The following ANKRD28 variants were observed in gnomAD, a reference collection of about 807,000 sequenced individuals.
The protein encoded by ANKRD28 is serine/threonine-protein phosphatase 6 regulatory ankyrin repeat subunit A.
In ANKRD28, 44 loss-of-function variants were observed where a neutral mutation model predicts 126.5. That is an observed-to-expected ratio of 0.35 (90% CI 0.27 to 0.45). ANKRD28 has a LOEUF of 0.45. Among genes scored for constraint, ANKRD28 ranks in the 20% least tolerant of loss-of-function variants. The probability of loss-of-function intolerance (pLI) is 1.00; values close to 1 mark genes in which losing one functional copy is unlikely to be tolerated. For missense variants in ANKRD28, 1,110 were observed against 1,316.6 expected (o/e 0.84, Z 2.43); for synonymous variants, 442 against 468.5 (o/e 0.94, Z 0.73).
In ANKRD28 at chr3:15,797,292, A is replaced by C; in HGVS notation, c.-771T>G. On this transcript the variant is annotated 5_prime_UTR_variant, in exon 1 of 28. Coordinates refer to ENST00000683139, the MANE Select transcript of ANKRD28 (RefSeq NM_001349278.2). ...GAGTCAGACCACAAGAGACAATACG[A>C]CTCTTGGTACTAGAATACAGCTTGA... 1 of 985,192 alleles carries C rather than the reference A, an allele frequency of 1.0e-6. No homozygotes were observed. The highest frequency in any genetic ancestry group is 1.2e-6 in the Non-Finnish European group (1 of 829,882). 61.0% of individuals were successfully genotyped at this position (985,192 alleles called of 1,614,324 possible).
At chr3:15,706,663 A>T (rs1275213185) in intron 14 of ANKRD28, among the ~76,000 whole-genome samples, 1 of 152,186 alleles carries the variant, frequency 6.6e-6, no homozygotes, top group East Asian at 1.9e-4. Context: ...ATGAATCGCC[A>T]CACTGTCTTC....
chr3:15,801,500 T>G (rs1372816598), upstream of ANKRD28, among the ~76,000 whole-genome samples: 4 of 152,112 alleles, frequency 2.6e-5, no homozygotes, highest in Non-Finnish European at 4.4e-5. The surrounding 1 kb of genome is among the most constrained non-coding windows in gnomAD (Gnocchi z 4.9). Flanking sequence ...AATAAAAAGC[T>G]TGTGGTGAAA....
chr3:15,777,058 A>G (rs2059305462), intron 2 of ANKRD28, among the ~76,000 whole-genome samples: 1 of 151,994 alleles, frequency 6.6e-6, no homozygotes. Flanking sequence ...GGTGGATCAC[A>G]AGGTCAGGAG....
intron 2 of ANKRD28, among the ~76,000 whole-genome samples, chr3:15,783,233 C>A (rs1362966933): frequency 6.6e-6 from 1 of 151,654 alleles, no homozygotes; most frequent in African/African-American, 2.4e-5. Context: ...TAAAAAAACT[C>A]ACAAGAACAT....
intron 4 of ANKRD28, among the ~76,000 whole-genome samples, chr3:15,742,482 G>A (rs1208003838): frequency 1.6e-3 from 233 of 141,490 alleles, no homozygotes; most frequent in Non-Finnish European, 2.6e-3. Flanking sequence ...TCTGAGAAGT[G>A]AGGAGACCCT....
chr3:15,685,272 T>C lies in ANKRD28; in HGVS notation c.2343A>G (p.Thr781=). 1 of 1,614,052 alleles carries C rather than the reference T, an allele frequency of 6.2e-7. No homozygotes were observed. The highest frequency in any genetic ancestry group is 1.1e-5 in the South Asian group (1 of 91,090). ...SAASMDANPA[T]ADNHGYTALH... ...GTGCCGTATATCCATGATTGTCTGCTGTGGCTGGATTTGCATCCATAGATG... is the reference window on the plus strand; with the variant it reads ...GTGCCGTATATCCATGATTGTCTGCCGTGGCTGGATTTGCATCCATAGATG... Residue 781 remains threonine (T), a synonymous_variant, in exon 21 of 28, where the codon ACA becomes ACG. Coordinates refer to ENST00000683139, the MANE Select transcript of ANKRD28 (RefSeq NM_001349278.2).
At chr3:15,837,371 C>A (rs1333537657) in intron 1 of ANKRD28, among the ~76,000 whole-genome samples, 1 of 152,100 alleles carries the variant, frequency 6.6e-6, no homozygotes, top group Non-Finnish European at 1.5e-5. Flanking sequence ...ATAAAACAAT[C>A]TCCAAAATAG....
Position 15,690,235 on chromosome 3 carries a change from A to C in ANKRD28, c.1762-15T>G. ...CCATGATAGGCCTAGAAATAAATAA[A>C]AATGTAAATTTAAAACATACATATT... On this transcript the variant is annotated splice_polypyrimidine_tract_variant and intron_variant, in intron 17 of 27. Transcript: ENST00000683139. 1 of 1,544,394 alleles carries C rather than the reference A, an allele frequency of 6.5e-7. No individual in the cohort carries two copies. The highest frequency in any genetic ancestry group is 8.7e-7 in the Non-Finnish European group (1 of 1,144,490).
intron 14 of ANKRD28, among the ~76,000 whole-genome samples, chr3:15,706,071 T>TTG (rs1019438535): frequency 6.6e-6 from 1 of 151,906 alleles, no homozygotes; most frequent in Non-Finnish European, 1.5e-5. Context: ...AATTTTTTTT[T>TTG]TGTGTGTGTG....
Position 15,789,089 on chromosome 3 carries a change from G to A in ANKRD28, c.201+6134C>T, listed in dbSNP as rs2059910092. 2.0e-5 allele frequency among the ~76,000 whole-genome samples: 3 copies of A among 151,596 alleles called. No individual in the cohort carries two copies. In the South Asian group the frequency reaches 6.2e-4, roughly 31 times the overall value. ...ATTTCACCCTTTTATGGTTTACAGT[G>A]CTTCTTCCACATCCAGGTGACTTAT... On this transcript the variant is annotated intron_variant, in intron 2 of 27. Coordinates refer to ENST00000683139, the MANE Select transcript of ANKRD28 (RefSeq NM_001349278.2).
chr3:15,852,424 T>A (rs1051822271), intron 1 of ANKRD28, among the ~76,000 whole-genome samples: 4 of 152,250 alleles, frequency 2.6e-5, no homozygotes, highest in Non-Finnish European at 5.9e-5. Flanking sequence ...GTATTTTAAC[T>A]GTCTTGTGCT....
intron 14 of ANKRD28, chr3:15,697,363 T>C (rs538325606): frequency 1.3e-5 from 2 of 152,282 alleles, no homozygotes; most frequent in African/African-American, 4.8e-5. Flanking sequence ...AGACTACACA[T>C]TGGATACAGT....
chr3:15,781,070 C>A, intron 2 of ANKRD28, among the ~76,000 whole-genome samples: 1 of 149,714 alleles, frequency 6.7e-6, no homozygotes, highest in Non-Finnish European at 1.5e-5. Context: ...AATGGGACTG[C>A]ATTAAATGAA....
intron 1 of ANKRD28, chr3:15,859,332 T>C (rs958351640): frequency 1.3e-6 from 2 of 1,517,160 alleles, no homozygotes; most frequent in Non-Finnish European, 1.8e-6. Flanking sequence ...CCTGCTTCCC[T>C]TCCTTCCCGG....
At chr3:15,717,832 C>T (rs2073252461) in intron 8 of ANKRD28, among the ~76,000 whole-genome samples, 1 of 152,198 alleles carries the variant, frequency 6.6e-6, no homozygotes, top group African/African-American at 2.4e-5. Flanking sequence ...ACCTCTACCA[C>T]TTTGCAGGAA....
chr3:15,824,257 C>A (rs1015740073), intron 1 of ANKRD28, among the ~76,000 whole-genome samples: 1 of 152,212 alleles, frequency 6.6e-6, no homozygotes, highest in Non-Finnish European at 1.5e-5. Flanking sequence ...TGGGCTCAAG[C>A]GATCCTCCCA....
At chr3:15,783,421 G>A (rs749457092) in intron 2 of ANKRD28, among the ~76,000 whole-genome samples, 3 of 151,932 alleles carry the variant, frequency 2.0e-5, no homozygotes, top group Non-Finnish European at 4.4e-5. Flanking sequence ...TATCCTGCTG[G>A]TGAGAACGTA....
intron 14 of ANKRD28, among the ~76,000 whole-genome samples, chr3:15,700,235 G>C (rs988343640): frequency 2.0e-5 from 3 of 152,140 alleles, no homozygotes; most frequent in Non-Finnish European, 4.4e-5. Flanking sequence ...CTCTTAAGTG[G>C]AAGTTGAGCA....
At position 15,741,131 on chromosome 3, in the gene ANKRD28, G is replaced by A. The variant is rs187767335; in HGVS notation, c.352-3898C>T. ...GGAGAATGGCATGAACCTGGGAGGC[G>A]GAGCTTGCAGTGAGCCGAGATCGCG... On this transcript the variant is annotated intron_variant, in intron 4 of 27. Transcript: ENST00000683139. Among the ~76,000 whole-genome samples the A allele has an allele frequency of 2.0e-3, 300 of 152,182 alleles. 2 individuals are homozygous for A. The East Asian group carries it at 0.026, about 13-fold the overall frequency.
Sources: allele counts gnomAD v4.1 joint callset (sites outside exome capture counted in the v4.1 genomes callset), GRCh38; gene constraint gnomAD v4.1.1; non-coding constraint Gnocchi (gnomAD v3.1); transcripts MANE v1.5; gene names NCBI Gene and HGNC (gene_info 2026-07-23, HGNC 2026-07-21).